The following RPS6KA3 variants were observed in gnomAD, a reference collection of about 807,000 sequenced individuals.
RPS6KA3 encodes ribosomal protein S6 kinase A3.
Under a neutral mutation model 67.2 loss-of-function variants are expected in RPS6KA3, and 4 were observed. The ratio of observed to expected loss-of-function variants is 0.06; its 90% confidence interval spans 0.03 to 0.14. The LOEUF (loss-of-function observed/expected upper bound fraction) is 0.14. Among genes scored for constraint, RPS6KA3 ranks in the 10% least tolerant of loss-of-function variants. The pLI, the probability that RPS6KA3 is intolerant of heterozygous loss-of-function variation, is 1.00. For synonymous variants in RPS6KA3, 182 were observed against 183.7 expected (o/e 0.99, Z 0.07); for missense variants, 204 against 559.0 (o/e 0.36, Z 6.40).
rs763052561 is a variant in RPS6KA3 at position 20,232,597 on chromosome X, A to C, written c.126+2161T>G. 3.6e-5 allele frequency among the ~76,000 whole-genome samples: 4 copies of C among 111,325 alleles called. No homozygotes were observed. The South Asian group carries it at 1.5e-3, about 41-fold the overall frequency. Reference sequence around the variant, plus strand: ...AAAAAACAAACAAACAAACAAACAAAAAACAAACAAACAAAAAACTTCCGT... The same window carrying C: ...AAAAAACAAACAAACAAACAAACAACAAACAAACAAACAAAAAACTTCCGT... On this transcript the variant is annotated intron_variant, in intron 2 of 21. Coordinates refer to ENST00000379565, the MANE Select transcript of RPS6KA3 (RefSeq NM_004586.3).
intron 2 of RPS6KA3, among the ~76,000 whole-genome samples, chrX:20,226,610 A>G (rs1261386539): frequency 2.7e-5 from 3 of 112,042 alleles, no homozygotes; most frequent in African/African-American, 6.5e-5. Context: ...CCTTCTGTGA[A>G]TTTTTGCCTG....
At chrX:20,230,054 T>C (rs770193222) in intron 2 of RPS6KA3, among the ~76,000 whole-genome samples, 1 of 112,824 alleles carries the variant, frequency 8.9e-6, no homozygotes, top group South Asian at 3.6e-4. Flanking sequence ...TACAGACTAA[T>C]GAAGTAAACT....
chrX:20,245,953 A>G (rs1213770492), intron 1 of RPS6KA3, among the ~76,000 whole-genome samples: 1 of 109,512 alleles, frequency 9.1e-6, no homozygotes, highest in Non-Finnish European at 1.9e-5. Flanking sequence ...CCCCGTCTCT[A>G]CTAAAAACAC....
chrX:20,174,406 G>A (rs1175231830), intron 14 of RPS6KA3, among the ~76,000 whole-genome samples: 2 of 103,320 alleles, frequency 1.9e-5, no homozygotes, highest in Non-Finnish European at 3.9e-5. Flanking sequence ...CTGGAGTACA[G>A]TGGCGGATCT....
intron 3 of RPS6KA3, among the ~76,000 whole-genome samples, chrX:20,205,531 A>G (rs1166301725): frequency 8.9e-6 from 1 of 111,933 alleles, no homozygotes; most frequent in Non-Finnish European, 1.9e-5. Flanking sequence ...TCGCGGAGAA[A>G]CCCTGATACA....
intron 2 of RPS6KA3, among the ~76,000 whole-genome samples, chrX:20,217,500 G>A (rs1188802222): frequency 1.8e-5 from 2 of 112,322 alleles, no homozygotes; most frequent in Admixed American, 9.4e-5. Flanking sequence ...CCCCTCCCCT[G>A]AGTCAGGAAG....
Position 20,219,245 on chromosome X carries a change from A to C in RPS6KA3, c.127-9841T>G, listed in dbSNP as rs140745719. On this transcript the variant is annotated intron_variant, in intron 2 of 21. Coordinates refer to ENST00000379565, the MANE Select transcript of RPS6KA3 (RefSeq NM_004586.3). ...CTATATGACCCTTTAAAACAACTGA[A>C]ACTAGTTGCCACTACTAAAAGTTGC... Among the ~76,000 whole-genome samples, 411 of 111,758 alleles carry C rather than the reference A, an allele frequency of 3.7e-3. 1 individual carries two copies. Among genetic ancestry groups the C allele is most frequent in the African/African-American group, 0.013 (400 of 30,778 alleles).
At chrX:20,263,382 T>A (rs1172398223) in intron 1 of RPS6KA3, among the ~76,000 whole-genome samples, 1 of 112,370 alleles carries the variant, frequency 8.9e-6, no homozygotes, top group Non-Finnish European at 1.9e-5. Context: ...CATCTTTAAG[T>A]AACTCACTAA....
intron 1 of RPS6KA3, among the ~76,000 whole-genome samples, chrX:20,251,874 T>A (rs2069880712): frequency 8.9e-6 from 1 of 112,326 alleles, no homozygotes; most frequent in East Asian, 2.8e-4. Context: ...TAAGATTATG[T>A]CTTTTGCAAA....
At chrX:20,171,286 T>C (rs1299564104) in intron 15 of RPS6KA3, among the ~76,000 whole-genome samples, 1 of 111,840 alleles carries the variant, frequency 8.9e-6, no homozygotes, top group Non-Finnish European at 1.9e-5. Context: ...AGTCCTGTGT[T>C]ATTCAAGGGT....
intron 10 of RPS6KA3, among the ~76,000 whole-genome samples, chrX:20,180,758 T>G (rs186353958): frequency 8.9e-6 from 1 of 112,299 alleles, no homozygotes; most frequent in East Asian, 2.8e-4. Flanking sequence ...TCTACTATAT[T>G]TGGGGAGACT....
At chrX:20,248,715 G>T (rs868794791) in intron 1 of RPS6KA3, among the ~76,000 whole-genome samples, 4 of 111,909 alleles carry the variant, frequency 3.6e-5, no homozygotes, top group African/African-American at 1.3e-4. Context: ...AAAGTCACAG[G>T]AAGTTGCAAA....
chrX:20,189,813 A>C (rs1209891233), intron 7 of RPS6KA3, among the ~76,000 whole-genome samples: 3 of 112,440 alleles, frequency 2.7e-5, no homozygotes, highest in Non-Finnish European at 5.6e-5. Context: ...ACTATAACAA[A>C]AATATTACCA....
At chrX:20,221,216 T>C (rs1365296346) in intron 2 of RPS6KA3, among the ~76,000 whole-genome samples, 2 of 111,830 alleles carry the variant, frequency 1.8e-5, no homozygotes, top group Non-Finnish European at 3.8e-5. Flanking sequence ...CCTTAATAAA[T>C]ATCATATGCT....
intron 10 of RPS6KA3, among the ~76,000 whole-genome samples, chrX:20,185,554 T>C (rs1252435170): frequency 9.0e-6 from 1 of 111,026 alleles, no homozygotes; most frequent in Non-Finnish European, 1.9e-5. Flanking sequence ...GCCTGGCTAA[T>C]TTTTGCATTT....
chrX:20,245,700 A>AT (rs1300573664), intron 1 of RPS6KA3, among the ~76,000 whole-genome samples: 1 of 111,811 alleles, frequency 8.9e-6, no homozygotes, highest in Non-Finnish European at 1.9e-5. Context: ...AAAATTACCT[A>AT]TGGTTCCTGT....
intron 2 of RPS6KA3, among the ~76,000 whole-genome samples, chrX:20,233,005 G>A (rs1215645956): frequency 1.8e-5 from 2 of 110,977 alleles, no homozygotes; most frequent in Non-Finnish European, 3.8e-5. Flanking sequence ...GCGTGGTGAC[G>A]GTTGCCTGTA....
rs1012867223 is a variant in RPS6KA3 at position 20,150,254 on chromosome X, A to G, written c.*5144T>C. ...TGGCATGCCTTACTAGAGAGAAACT[A>G]GTATAAAGGAAGATCATATATAACA... On this transcript the variant is annotated 3_prime_UTR_variant, in exon 22 of 22. Coordinates refer to ENST00000379565, the MANE Select transcript of RPS6KA3 (RefSeq NM_004586.3). The G allele has an allele frequency of 2.6e-5, 3 of 113,368 alleles. No homozygotes were observed. The highest frequency in any genetic ancestry group is 5.6e-5 in the Non-Finnish European group (3 of 53,363). 9.3% of individuals were successfully genotyped at this position (113,368 alleles called of 1,213,427 possible). A position where few individuals can be genotyped will look rare whatever the true frequency, so the allele number is the denominator to read the frequency against.
chrX:20,179,705 G>C (rs766744226), intron 10 of RPS6KA3, among the ~76,000 whole-genome samples: 1 of 111,511 alleles, frequency 9.0e-6, no homozygotes, highest in Admixed American at 9.6e-5. Flanking sequence ...TTGGATGAGC[G>C]TTATTTCAAG....
Sources: gnomAD v4.1 joint callset for allele counts (sites outside exome capture counted in the v4.1 genomes callset) on GRCh38, gnomAD v4.1.1 for gene constraint, MANE v1.5 for transcripts, NCBI Gene and HGNC (gene_info 2026-07-23, HGNC 2026-07-21) for gene names.